Variants in C7orf57 observed in about 807,000 individuals in gnomAD.
C7orf57 encodes the protein chromosome 7 open reading frame 57, also known as uncharacterized protein C7orf57.
A neutral mutation model predicts 39.0 loss-of-function variants in C7orf57; 33 were observed. That is an observed-to-expected ratio of 0.85 (90% CI 0.64 to 1.13). The LOEUF is 1.13. Ranked by LOEUF, C7orf57 falls within the 50% of genes most tolerant of loss-of-function variation. C7orf57 has a pLI of 0.00. For missense variants in C7orf57, 346 were observed against 362.3 expected, an observed-to-expected ratio of 0.95 and a Z score of 0.37; for synonymous variants, 124 against 137.1, an observed-to-expected ratio of 0.90 and a Z score of 0.67.
rs1335413490 is a variant in C7orf57, at chr7:48,052,702, CT to C, written c.609del (p.Gly204ValfsTer95). On this transcript the variant is annotated frameshift_variant, in exon 7 of 9. Coordinates refer to ENST00000348904, the MANE Select transcript of C7orf57 (RefSeq NM_001100159.3). LOFTEE classifies it high-confidence loss of function. Reference sequence around the variant, plus strand: ...ACATTACTTTTACTCTTTTTAAGGCCTGGTCAAAAAAACAGTTCACCTACCA... The same window carrying C: ...ACATTACTTTTACTCTTTTTAAGGCCGGTCAAAAAAACAGTTCACCTACCA... ...AGSRLSFPPV[P>X]GQKNSSPTNF... The C allele has an allele frequency of 3.7e-6, 6 of 1,613,240 alleles. No individual in the cohort carries two copies. Among genetic ancestry groups the C allele is most frequent in the Non-Finnish European group, 5.1e-6 (6 of 1,179,412 alleles).
At chr7:48,038,642 T>C (rs1790457729) in intron 2 of C7orf57, among the ~76,000 whole-genome samples, 2 of 152,194 alleles carry the variant, frequency 1.3e-5, no homozygotes, top group South Asian at 2.1e-4. Flanking sequence ...AGTCAAACTC[T>C]GTAAAATATT....
chr7:48,058,801 T>C (rs1238983714), intron 8 of C7orf57, among the ~76,000 whole-genome samples: 3 of 152,214 alleles, frequency 2.0e-5, no homozygotes, highest in South Asian at 2.1e-4. Flanking sequence ...CTTAAGAAGA[T>C]AGAATTTACT....
intron 6 of C7orf57, 101 bp downstream of exon 6, chr7:48,050,078 C>A: frequency 1.3e-6 from 1 of 777,638 alleles, no homozygotes; most frequent in South Asian, 1.5e-5. Flanking sequence ...ATCCACACAA[C>A]TTCCCGAAGC....
chr7:48,059,835 A>G (rs1222289836), intron 8 of C7orf57, among the ~76,000 whole-genome samples: 3 of 152,206 alleles, frequency 2.0e-5, no homozygotes, highest in Non-Finnish European at 2.9e-5. Context: ...GCTTGGGAGC[A>G]GGGACACGTG....
In C7orf57 at chr7:48,043,588, G is replaced by A; in HGVS notation, c.349G>A (p.Glu117Lys). 1 of 1,612,658 alleles carries A rather than the reference G, an allele frequency of 6.2e-7. No homozygotes were observed. Among genetic ancestry groups the A allele is most frequent in the Non-Finnish European group, 8.5e-7 (1 of 1,178,780 alleles). Reference sequence around the variant, plus strand: ...CAAGCCACCGACAGCCAGCCAGCAAGAGTAAGTACCTTAAAGCACTCACAT... The same window carrying A: ...CAAGCCACCGACAGCCAGCCAGCAAAAGTAAGTACCTTAAAGCACTCACAT... ...HSKPPTASQQ[E>K]VRAVSMPDYM... is the part of the protein sequence containing the mutation. Residue 117 changes from glutamate (E) to lysine (K), a missense_variant and splice_region_variant, in exon 4 of 9, where the codon GAA (glutamate) becomes AAA (lysine). By Grantham distance (56) the Glu-to-Lys change is moderately conservative. Transcript: ENST00000348904.
chr7:48,051,817 C>CTCTTCTCTT (rs1554299753), intron 6 of C7orf57, among the ~76,000 whole-genome samples: 1 of 51,178 alleles, frequency 2.0e-5, no homozygotes, highest in Non-Finnish European at 4.1e-5. Flanking sequence ...CTTTTCTCTT[C>CTCTTCTCTT]TCTTTCTTTC....
rs1394949919 is a variant in C7orf57 at position 48,051,809 on chromosome 7, T to TTTCTC, written c.606-883_606-879dup. Among the ~76,000 whole-genome samples, 9 of 83,732 alleles carry TTTCTC rather than the reference T, an allele frequency of 1.1e-4. 2 individuals carry two copies. The South Asian group carries it at 1.4e-3, about 13-fold the overall frequency. The allele number at this position is 83,732 out of a possible 152,430, so 54.9% of individuals were successfully genotyped here. A position where few individuals can be genotyped will look rare whatever the true frequency, so the allele number is the denominator to read the frequency against. On this transcript the variant is annotated intron_variant, in intron 6 of 8. Transcript: ENST00000348904. ...TTCTTTCTTTCTTTCCTTCCTTCCT[T>TTTCTC]TTCTCTTCTCTTTCTTTCTTTCTTT...
intron 4 of C7orf57, among the ~76,000 whole-genome samples, chr7:48,044,703 C>T (rs1381444422): frequency 6.6e-6 from 1 of 152,156 alleles, no homozygotes; most frequent in Admixed American, 6.5e-5. Context: ...AGACAAAAGG[C>T]ACTAGGTAAA....
chr7:48,049,862 G>T lies in C7orf57; in HGVS notation c.508-18G>T. On this transcript the variant is annotated intron_variant, in intron 5 of 8. Coordinates refer to ENST00000348904, the MANE Select transcript of C7orf57 (RefSeq NM_001100159.3). ...ATGCTTTCCACTAACTCAAGGTTTT[G>T]TGTGTTTCCTCACACAGCTGAGGCT... is the stretch of plus-strand genomic sequence containing the variant. 2.5e-6 allele frequency: 4 copies of T among 1,606,228 alleles called. No homozygotes were observed. Among genetic ancestry groups the T allele is most frequent in the Middle Eastern group, 1.7e-4 (1 of 6,040 alleles).
At chr7:48,054,707 C>T in intron 8 of C7orf57, 101 bp downstream of exon 8, 1 of 951,128 alleles carries the variant, frequency 1.1e-6, no homozygotes, top group Non-Finnish European at 1.6e-6. Context: ...CTCTAGGCAG[C>T]CTGGAATGTC....
rs1300865456 is a variant in C7orf57 at position 48,051,736 on chromosome 7, TTTC to T, written c.606-961_606-959del. ...CTCCTTTCTTTCTTTCTCTTTTTCT[TTTC>T]TTTCTTTTTCTTTTCTTTCTTTCTT... On this transcript the variant is annotated intron_variant, in intron 6 of 8. Coordinates refer to ENST00000348904, the MANE Select transcript of C7orf57 (RefSeq NM_001100159.3). Among the ~76,000 whole-genome samples, 28 of 74,604 alleles carry T rather than the reference TTTC, an allele frequency of 3.8e-4. 2 individuals carry two copies. In the South Asian group the frequency reaches 7.9e-3, roughly 21 times the overall value. The allele number at this position is 74,604 out of a possible 152,430, so 48.9% of individuals were successfully genotyped here.
At chr7:48,038,894 G>A (rs1240112409) in intron 2 of C7orf57, among the ~76,000 whole-genome samples, 1 of 152,162 alleles carries the variant, frequency 6.6e-6, no homozygotes, top group East Asian at 1.9e-4. Flanking sequence ...CAGGTCATAG[G>A]TGGATTTAAA....
In C7orf57 at chr7:48,060,312, C is replaced by T. The variant is rs1239078662; in HGVS notation, c.*40C>T. 1.6e-6 allele frequency: 2 copies of T among 1,277,822 alleles called. No homozygotes were observed. The highest frequency in any genetic ancestry group is 2.2e-6 in the Non-Finnish European group (2 of 914,396). 79.2% of individuals were successfully genotyped at this position (1,277,822 alleles called of 1,614,324 possible). A position where few individuals can be genotyped will look rare whatever the true frequency, so the allele number is the denominator to read the frequency against. On this transcript the variant is annotated 3_prime_UTR_variant, in exon 9 of 9. Coordinates refer to ENST00000348904, the MANE Select transcript of C7orf57 (RefSeq NM_001100159.3). The stretch of plus-strand genomic sequence containing the variant: ...TGTATTTAGGATAATTTTTAAATGG[C>T]TAAATATGACATGACTGTATTATAG...
intron 8 of C7orf57, among the ~76,000 whole-genome samples, chr7:48,057,279 A>G (rs1357501862): frequency 6.6e-6 from 1 of 152,004 alleles, no homozygotes; most frequent in Non-Finnish European, 1.5e-5. Context: ...GTTTCCATTT[A>G]TCTGTGTCTT....
Position 48,051,786 on chromosome 7 carries a change from CTTT to C in C7orf57, c.606-913_606-911del, listed in dbSNP as rs1471955610. On this transcript the variant is annotated intron_variant, in intron 6 of 8. Coordinates refer to ENST00000348904, the MANE Select transcript of C7orf57 (RefSeq NM_001100159.3). ...TCTTTCTTTCTTTCTTTCTTTCTTT[CTTT>C]CTTTCTTTCCTTCCTTCCTTTTCTC... is the stretch of plus-strand genomic sequence containing the variant. 4.3e-4 allele frequency among the ~76,000 whole-genome samples: 28 copies of C among 65,388 alleles called. 1 individual carries two copies. Among genetic ancestry groups the C allele is most frequent in the Admixed American group, 6.7e-4 (4 of 5,932 alleles). 42.9% of individuals were successfully genotyped at this position (65,388 alleles called of 152,430 possible).
At chr7:48,057,512 T>G (rs962662951) in intron 8 of C7orf57, among the ~76,000 whole-genome samples, 3 of 152,154 alleles carry the variant, frequency 2.0e-5, no homozygotes, top group Non-Finnish European at 2.9e-5. Flanking sequence ...TTTTCACAGT[T>G]TTTTGGTGGA....
At chr7:48,047,872 A>G (rs1346871623) in intron 5 of C7orf57, among the ~76,000 whole-genome samples, 1 of 152,064 alleles carries the variant, frequency 6.6e-6, no homozygotes, top group East Asian at 1.9e-4. Context: ...ACACTCAGCC[A>G]AAATGGACCA....
intron 2 of C7orf57, 103 bp downstream of exon 2, chr7:48,036,466 G>A: frequency 1.8e-6 from 2 of 1,109,450 alleles, no homozygotes; most frequent in South Asian, 1.6e-5. Flanking sequence ...GGCTGGAGGG[G>A]GGTGTGAACG....
Position 48,052,717 on chromosome 7 carries a change from G to A in C7orf57, c.623G>A (p.Ser208Asn). 1 of 1,613,938 alleles carries A rather than the reference G, an allele frequency of 6.2e-7. No individual in the cohort carries two copies. The highest frequency in any genetic ancestry group is 8.5e-7 in the Non-Finnish European group (1 of 1,179,858). ...TTTTTAAGGCCTGGTCAAAAAAACA[G>A]TTCACCTACCAATTTTTCCAAACTC... Reference protein sequence around the residue: ...SFPPVPGQKNSSPTNFSKLIS... With the variant: ...SFPPVPGQKNNSPTNFSKLIS... The change falls in exon 7 of 9, where the codon AGT (serine) becomes AAT (asparagine). Residue 208 changes from serine (S) to asparagine (N), a missense_variant. Transcript: ENST00000348904.
Sources: gnomAD v4.1 joint callset for allele counts (sites outside exome capture counted in the v4.1 genomes callset) on GRCh38, gnomAD v4.1.1 for gene constraint, MANE v1.5 for transcripts, NCBI Gene and HGNC (gene_info 2026-07-23, HGNC 2026-07-21) for gene names.